The following DNAJC1 variants were observed in gnomAD, a reference collection of about 807,000 sequenced individuals.
DNAJC1 encodes DnaJ heat shock protein family (Hsp40) member C1.
A neutral mutation model predicts 76.6 loss-of-function variants in DNAJC1; 58 were observed. The ratio of observed to expected loss-of-function variants is 0.76; its 90% CI spans 0.61 to 0.94. The LOEUF (loss-of-function observed/expected upper bound fraction) is 0.94. DNAJC1 is among the 40% of genes least tolerant of loss of function. DNAJC1 has a pLI of 0.00. For synonymous variants in DNAJC1, 258 were observed against 267.9 expected (o/e 0.96, Z 0.36); for missense variants, 689 against 677.3 (o/e 1.02, Z -0.19).
At chr10:21,966,540 G>C (rs1353686290) in intron 1 of DNAJC1, among the ~76,000 whole-genome samples, 1 of 150,836 alleles carries the variant, frequency 6.6e-6, no homozygotes, top group Non-Finnish European at 1.5e-5. Flanking sequence ...TATTTATGTA[G>C]GTATAAATTC....
chr10:21,875,868 C>T (rs142496343), intron 8 of DNAJC1, among the ~76,000 whole-genome samples: 2,037 of 151,998 alleles, frequency 0.013, 27 homozygotes, highest in Non-Finnish European at 0.022. Flanking sequence ...GAGGTTGCAG[C>T]GAGGTGAGAT....
intron 10 of DNAJC1, among the ~76,000 whole-genome samples, chr10:21,765,668 A>G (rs1589971719): frequency 6.6e-6 from 1 of 152,266 alleles, no homozygotes; most frequent in South Asian, 2.1e-4. Flanking sequence ...AAGATGGTGA[A>G]ACCAGGTCTC....
chr10:21,955,990 T>C (rs190329879), intron 1 of DNAJC1, among the ~76,000 whole-genome samples: 4 of 152,332 alleles, frequency 2.6e-5, no homozygotes, highest in African/African-American at 9.6e-5. Flanking sequence ...TTCATGTCAG[T>C]ATATACAGGC....
At chr10:21,919,741 C>A in intron 5 of DNAJC1, 91 bp downstream of exon 5, 2 of 825,004 alleles carry the variant, frequency 2.4e-6, no homozygotes, top group Non-Finnish European at 3.8e-6. Flanking sequence ...AATGAGAGCA[C>A]ATGTAAATAG....
chr10:21,778,610 G>A (rs1390690035), intron 9 of DNAJC1, among the ~76,000 whole-genome samples: 1 of 152,082 alleles, frequency 6.6e-6, no homozygotes, highest in Non-Finnish European at 1.5e-5. Flanking sequence ...AAAAAAAATT[G>A]GGGAGTGTTC....
intron 1 of DNAJC1, among the ~76,000 whole-genome samples, chr10:21,984,924 C>T (rs1838215101): frequency 2.0e-5 from 3 of 152,074 alleles, no homozygotes; most frequent in African/African-American, 7.2e-5. Flanking sequence ...TATGAAGAGG[C>T]CAAAGAGTGA....
intron 8 of DNAJC1, among the ~76,000 whole-genome samples, chr10:21,858,356 T>C (rs1417673030): frequency 6.6e-6 from 1 of 152,208 alleles, no homozygotes; most frequent in African/African-American, 2.4e-5. Flanking sequence ...CTAAACAAGT[T>C]TTCTATTTTG....
intron 8 of DNAJC1, among the ~76,000 whole-genome samples, chr10:21,857,531 C>G (rs1220799203): frequency 6.6e-6 from 1 of 150,836 alleles, no homozygotes; most frequent in African/African-American, 2.4e-5. Context: ...TGTAAAATGT[C>G]ATTAGAAAAA....
chr10:21,890,181 G>C (rs557027577), intron 7 of DNAJC1, among the ~76,000 whole-genome samples: 2 of 151,978 alleles, frequency 1.3e-5, no homozygotes, highest in Admixed American at 1.3e-4. Flanking sequence ...GGAGGCTGGG[G>C]GGGGGTGGAT....
chr10:21,817,338 A>C (rs1589993712), intron 8 of DNAJC1, among the ~76,000 whole-genome samples: 1 of 152,256 alleles, frequency 6.6e-6, no homozygotes, highest in African/African-American at 2.4e-5. Flanking sequence ...ATAAATGTTT[A>C]CATTTATTTA....
chr10:21,869,945 A>T (rs938136072), intron 8 of DNAJC1, among the ~76,000 whole-genome samples: 5 of 152,024 alleles, frequency 3.3e-5, no homozygotes, highest in African/African-American at 9.7e-5. Flanking sequence ...AAAACTTGAT[A>T]AAAAAATTCG....
At chr10:21,872,125 GT>G (rs1836114759) in intron 8 of DNAJC1, among the ~76,000 whole-genome samples, 2 of 149,392 alleles carry the variant, frequency 1.3e-5, no homozygotes, top group African/African-American at 5.0e-5. Flanking sequence ...CCAGGCTGGA[GT>G]GCAGTGGTGT....
chr10:21,959,122 T>C lies in DNAJC1; in HGVS notation c.223-29981A>G, dbSNP rs903825867. ...CAAAACACCAAGAAATCCAACATAC[T>C]GAACTTTTTTCTTTTTTTCTGAGAT... On this transcript the variant is annotated intron_variant, in intron 1 of 11. Transcript: ENST00000376980. Among the ~76,000 whole-genome samples the C allele has an allele frequency of 3.3e-5, 5 of 152,180 alleles. No individual in the cohort carries two copies. In the East Asian group the frequency reaches 5.8e-4, roughly 18 times the overall value.
intron 1 of DNAJC1, among the ~76,000 whole-genome samples, chr10:21,990,476 T>C (rs553171922): frequency 4.1e-4 from 63 of 152,332 alleles, no homozygotes; most frequent in African/African-American, 1.4e-3. Context: ...AAGAAGTATA[T>C]GTTCAGGGGT....
chr10:21,766,171 G>T, intron 10 of DNAJC1, 90 bp downstream of exon 10: 2 of 1,026,050 alleles, frequency 1.9e-6, no homozygotes, highest in South Asian at 1.4e-5. Context: ...AAAACTTCTA[G>T]ACCCTTGTAT....
At chr10:21,963,530 T>G (rs1185878171) in intron 1 of DNAJC1, among the ~76,000 whole-genome samples, 4 of 152,228 alleles carry the variant, frequency 2.6e-5, no homozygotes, top group Admixed American at 2.6e-4. Context: ...AAAACTATTA[T>G]GTAAAAATCT....
chr10:21,872,690 C>G (rs950444040), intron 8 of DNAJC1, among the ~76,000 whole-genome samples: 1 of 152,016 alleles, frequency 6.6e-6, no homozygotes, highest in Non-Finnish European at 1.5e-5. Flanking sequence ...TTAAGCATAT[C>G]AATATATGAA....
intron 1 of DNAJC1, among the ~76,000 whole-genome samples, chr10:21,991,513 C>T (rs2131847273): frequency 6.6e-6 from 1 of 152,134 alleles, no homozygotes; most frequent in Non-Finnish European, 1.5e-5. Context: ...TGATAGCTAG[C>T]ACAATTGGAA....
At chr10:21,787,877 T>C (rs1350233839) in intron 9 of DNAJC1, among the ~76,000 whole-genome samples, 1 of 152,226 alleles carries the variant, frequency 6.6e-6, no homozygotes, top group East Asian at 1.9e-4. Flanking sequence ...TAGCCAATAC[T>C]GTGTTCCTCC....
Sources: gnomAD v4.1 joint callset for allele counts (sites outside exome capture counted in the v4.1 genomes callset) on GRCh38, gnomAD v4.1.1 for gene constraint, MANE v1.5 for transcripts, NCBI Gene and HGNC (gene_info 2026-07-23, HGNC 2026-07-21) for gene names.